ACTR3C: variants seen among roughly 807,000 people sequenced by gnomAD.
ACTR3C encodes actin-related protein 3C.
Under a neutral mutation model 26.3 loss-of-function variants are expected in ACTR3C, and 18 were observed. That is an observed-to-expected ratio of 0.68 (90% CI 0.47 to 1.01). The LOEUF is 1.01. Among genes scored for constraint, ACTR3C ranks in the 50% least tolerant of loss-of-function variants. ACTR3C has a pLI of 0.00. For missense variants in ACTR3C, 184 were observed against 250.7 expected, an observed-to-expected ratio of 0.73 and a Z score of 1.80; for synonymous variants, 55 against 94.5, an observed-to-expected ratio of 0.58 and a Z score of 2.42.
chr7:150,041,800 TC>T, the ACTR3C span, among the ~76,000 whole-genome samples: 5 of 94,592 alleles, frequency 5.3e-5, no homozygotes, highest in African/African-American at 8.8e-5. Context: ...GGGGGGTGCC[TC>T]CCCCCCTGCG....
intron 6 of ACTR3C, among the ~76,000 whole-genome samples, chr7:150,255,782 C>T (rs1833176997): frequency 6.6e-6 from 1 of 152,186 alleles, no homozygotes; most frequent in African/African-American, 2.4e-5. Flanking sequence ...CATATGTGTA[C>T]ATGAGTGTGT....
At chr7:150,282,448 G>C (rs1835424450) in intron 6 of ACTR3C, among the ~76,000 whole-genome samples, 1 of 150,400 alleles carries the variant, frequency 6.6e-6, no homozygotes, top group Non-Finnish European at 1.5e-5. Flanking sequence ...CCCACAACGG[G>C]GTATAGAGTT....
chr7:149,958,440 A>G, the ACTR3C span, among the ~76,000 whole-genome samples: 1 of 152,220 alleles, frequency 6.6e-6, no homozygotes, highest in East Asian at 1.9e-4. Flanking sequence ...ATTAGTCTCT[A>G]TCCAAGTCTA....
the ACTR3C span, among the ~76,000 whole-genome samples, chr7:150,003,444 C>A: frequency 6.9e-5 from 10 of 144,996 alleles, no homozygotes; most frequent in Non-Finnish European, 3.1e-5. Context: ...GTATGTGGTA[C>A]TGTGGGGTGT....
At chr7:150,086,294 A>G in the ACTR3C span, among the ~76,000 whole-genome samples, 1 of 152,260 alleles carries the variant, frequency 6.6e-6, no homozygotes, top group Non-Finnish European at 1.5e-5. Flanking sequence ...TATTTTGACC[A>G]GAACAATGAG....
intron 1 of ACTR3C, among the ~76,000 whole-genome samples, chr7:150,299,213 C>G (rs903367384): frequency 3.3e-5 from 5 of 151,240 alleles, no homozygotes; most frequent in Non-Finnish European, 7.4e-5. Flanking sequence ...GAGCTCCTGA[C>G]CTCAAGTGAT....
the ACTR3C span, among the ~76,000 whole-genome samples, chr7:150,231,839 T>C: frequency 1.3e-5 from 2 of 152,076 alleles, no homozygotes; most frequent in Non-Finnish European, 2.9e-5. Context: ...ACATATGTTA[T>C]GCTGTTTGTA....
At chr7:150,097,975 C>T in the ACTR3C span, among the ~76,000 whole-genome samples, 35 of 151,636 alleles carry the variant, frequency 2.3e-4, no homozygotes, top group Non-Finnish European at 4.7e-4. Flanking sequence ...CTGTCATAGA[C>T]GTCATGGACT....
At chr7:150,055,377 G>A in the ACTR3C span, among the ~76,000 whole-genome samples, 3 of 152,038 alleles carry the variant, frequency 2.0e-5, no homozygotes, top group South Asian at 4.1e-4. Flanking sequence ...TTTCTCAAAT[G>A]TTTGCTCAGG....
At chr7:149,999,198 G>A in the ACTR3C span, among the ~76,000 whole-genome samples, 1 of 150,850 alleles carries the variant, frequency 6.6e-6, no homozygotes, top group Non-Finnish European at 1.5e-5. Context: ...TATTACATAA[G>A]TGTCTAATTT....
At chr7:150,040,039 A>C in the ACTR3C span, among the ~76,000 whole-genome samples, 1 of 137,864 alleles carries the variant, frequency 7.3e-6, no homozygotes, top group African/African-American at 2.8e-5. Flanking sequence ...GTTGGCTCTG[A>C]GTCCCCGCCT....
At chr7:150,090,436 T>TAC in the ACTR3C span, among the ~76,000 whole-genome samples, 1 of 152,208 alleles carries the variant, frequency 6.6e-6, no homozygotes, top group Non-Finnish European at 1.5e-5. Flanking sequence ...GAAAGGTGTA[T>TAC]AAAGCTTTGC....
At chr7:150,190,479 T>A in the ACTR3C span, among the ~76,000 whole-genome samples, 6 of 152,358 alleles carry the variant, frequency 3.9e-5, no homozygotes, top group South Asian at 1.2e-3. Flanking sequence ...CCCAATTTTT[T>A]AAAGAAATTT....
At chr7:150,195,800 A>G in the ACTR3C span, among the ~76,000 whole-genome samples, 2 of 152,140 alleles carry the variant, frequency 1.3e-5, no homozygotes, top group Non-Finnish European at 2.9e-5. Flanking sequence ...AATCACTTGA[A>G]CCTGGGAGGC....
the ACTR3C span, among the ~76,000 whole-genome samples, chr7:150,011,571 T>C: frequency 6.6e-6 from 1 of 152,174 alleles, no homozygotes; most frequent in East Asian, 1.9e-4. Flanking sequence ...GGTGACAGTT[T>C]GAGACTCCAT....
At chr7:149,914,685 T>C in the ACTR3C span, among the ~76,000 whole-genome samples, 1 of 148,324 alleles carries the variant, frequency 6.7e-6, no homozygotes, top group Non-Finnish European at 1.5e-5. Flanking sequence ...GAACAGATGA[T>C]GGGAGAAAAA....
the ACTR3C span, among the ~76,000 whole-genome samples, chr7:150,070,828 T>G: frequency 2.6e-4 from 39 of 149,834 alleles, no homozygotes; most frequent in African/African-American, 9.5e-4. Context: ...GGAGTTTCGC[T>G]CTGTCACCCA....
the ACTR3C span, among the ~76,000 whole-genome samples, chr7:150,220,039 C>T: frequency 2.0e-5 from 3 of 147,074 alleles, no homozygotes; most frequent in South Asian, 2.1e-4. Context: ...CTGCTGGCCG[C>T]GGGTCTACAA....
the ACTR3C span, among the ~76,000 whole-genome samples, chr7:150,214,845 T>C: frequency 6.6e-6 from 1 of 151,884 alleles, no homozygotes; most frequent in Non-Finnish European, 1.5e-5. Flanking sequence ...ATGACTTCAC[T>C]TCTCAGTAGA....
Sources: gnomAD v4.1 joint callset for allele counts (sites outside exome capture counted in the v4.1 genomes callset) on GRCh38, gnomAD v4.1.1 for gene constraint, MANE v1.5 for transcripts, NCBI Gene and HGNC (gene_info 2026-07-23, HGNC 2026-07-21) for gene names.